NFATC1: variants seen among roughly 807,000 people sequenced by gnomAD.
NFATC1 encodes the protein nuclear factor of activated T cells 1, also known as nuclear factor of activated T-cells, cytoplasmic 1.
Under a neutral mutation model 76.0 loss-of-function variants are expected in NFATC1, and 22 were observed. That is an observed-to-expected ratio of 0.29 (90% CI 0.21 to 0.41). The LOEUF is 0.41. Among genes scored for constraint, NFATC1 ranks in the 10% least tolerant of loss-of-function variants. The probability of loss-of-function intolerance (pLI) is 1.00; values close to 1 mark genes in which losing one functional copy is unlikely to be tolerated. For missense variants in NFATC1, 1,357 were observed against 1,337.7 expected, an observed-to-expected ratio of 1.01 and a Z score of -0.23; for synonymous variants, 704 against 613.1, an observed-to-expected ratio of 1.15 and a Z score of -2.19.
chr18:79,450,092 C>T (rs2087396876), intron 4 of NFATC1, among the ~76,000 whole-genome samples: 1 of 152,192 alleles, frequency 6.6e-6, no homozygotes, highest in African/African-American at 2.4e-5. Flanking sequence ...GCGTTCACCC[C>T]ACCATGATGT....
At chr18:79,456,639 C>A (rs571675689) in intron 6 of NFATC1, among the ~76,000 whole-genome samples, 1 of 152,232 alleles carries the variant, frequency 6.6e-6, no homozygotes, top group Non-Finnish European at 1.5e-5. Flanking sequence ...CTGCCCCTTT[C>A]GGCCCTTGCT....
At chr18:79,489,628 G>A (rs73496389) in intron 9 of NFATC1, among the ~76,000 whole-genome samples, 1,846 of 152,258 alleles carry the variant, frequency 0.012, 45 homozygotes, top group African/African-American at 0.042. Context: ...CCCCAAACTC[G>A]GATCGAATGG....
intron 1 of NFATC1, among the ~76,000 whole-genome samples, chr18:79,404,938 T>C (rs1021773607): frequency 7.2e-5 from 11 of 152,232 alleles, no homozygotes; most frequent in African/African-American, 2.4e-5. Flanking sequence ...ATACAGTTTT[T>C]TGTGGTTGTT....
intron 9 of NFATC1, among the ~76,000 whole-genome samples, chr18:79,510,238 C>T (rs1191210088): frequency 6.6e-6 from 1 of 152,118 alleles, no homozygotes; most frequent in Non-Finnish European, 1.5e-5. Flanking sequence ...TGGGTCATGC[C>T]CCCGTGCGGA....
At chr18:79,432,790 A>G (rs976807822) in intron 2 of NFATC1, among the ~76,000 whole-genome samples, 15 of 152,218 alleles carry the variant, frequency 9.9e-5, no homozygotes, top group African/African-American at 2.9e-4. Context: ...TACAGAACAC[A>G]GTTGGGAAGA....
intron 6 of NFATC1, chr18:79,452,023 A>T (rs2087497209): frequency 1.9e-6 from 1 of 531,240 alleles, no homozygotes; most frequent in Admixed American, 4.1e-5. Context: ...TGAAGGGAAG[A>T]GGTGGATGTT....
intron 2 of NFATC1, among the ~76,000 whole-genome samples, chr18:79,418,366 G>A (rs1178409926): frequency 2.0e-5 from 3 of 152,148 alleles, no homozygotes; most frequent in Non-Finnish European, 4.4e-5. Flanking sequence ...GCCATGATGA[G>A]CAGACCCCGC....
intron 9 of NFATC1, among the ~76,000 whole-genome samples, chr18:79,494,026 C>T (rs1057406225): frequency 6.6e-6 from 1 of 152,220 alleles, no homozygotes; most frequent in African/African-American, 2.4e-5. Context: ...TCAGGGAGCC[C>T]ACCCTGTGAC....
At position 79,476,372 on chromosome 18, in the gene NFATC1, C is replaced by T. The variant is rs117089251; in HGVS notation, c.2092+8790C>T. 1.4e-3 allele frequency among the ~76,000 whole-genome samples: 215 copies of T among 152,346 alleles called. 4 individuals carry two copies. The East Asian group carries it at 0.028, about 20-fold the overall frequency. The stretch of plus-strand genomic sequence containing the variant: ...GCCCCACAGAACACGGCGGGCAGCG[C>T]GGGCGAGGATTGGCGAAAGCCGACC... On this transcript the variant is annotated intron_variant, in intron 8 of 9. Transcript: ENST00000427363.
At chr18:79,405,800 C>T (rs144738531) in intron 1 of NFATC1, among the ~76,000 whole-genome samples, 132 of 152,328 alleles carry the variant, frequency 8.7e-4, no homozygotes, top group African/African-American at 1.1e-3. Context: ...TTTGCCTCAT[C>T]GAATCAGGTT....
Position 79,413,160 on chromosome 18 carries a change from C to T in NFATC1, c.1226+1659C>T, listed in dbSNP as rs116607775. Among the ~76,000 whole-genome samples, 1,105 of 152,276 alleles carry T rather than the reference C, an allele frequency of 7.3e-3. 13 individuals are homozygous for T. Among genetic ancestry groups the T allele is most frequent in the African/African-American group, 0.025 (1,046 of 41,534 alleles). ...ACGGTGACAAAGTCGTCCATCACCG[C>T]GGAACTTCACTGAACTGGCGAGATA... On this transcript the variant is annotated intron_variant, in intron 2 of 9. Transcript: ENST00000427363.
Position 79,439,500 on chromosome 18 carries a change from G to T in NFATC1, c.1386+5762G>T, listed in dbSNP as rs376937510. Among the ~76,000 whole-genome samples the T allele has an allele frequency of 3.5e-4, 54 of 152,372 alleles. 1 individual carries two copies. In the South Asian group the frequency reaches 0.011, roughly 32 times the overall value. On this transcript the variant is annotated intron_variant, in intron 3 of 9. Transcript: ENST00000427363. ...GCACGGATTAATTTTTTATGAGTCTGCCTTGGAACCTAGACAACAGCCCTC... is the reference window on the plus strand; with the variant it reads ...GCACGGATTAATTTTTTATGAGTCTTCCTTGGAACCTAGACAACAGCCCTC...
At chr18:79,513,109 C>T (rs763497659) in intron 9 of NFATC1, among the ~76,000 whole-genome samples, 1 of 152,246 alleles carries the variant, frequency 6.6e-6, no homozygotes, top group Non-Finnish European at 1.5e-5. Flanking sequence ...TAAAAAGGAG[C>T]ACTGCCAGTA....
intron 9 of NFATC1, among the ~76,000 whole-genome samples, chr18:79,491,916 C>T (rs768831182): frequency 6.6e-6 from 1 of 152,168 alleles, no homozygotes; most frequent in Non-Finnish European, 1.5e-5. Flanking sequence ...TGAATTGAGT[C>T]ACTTCAAGGT....
intron 1 of NFATC1, among the ~76,000 whole-genome samples, chr18:79,408,743 C>T (rs985375802): frequency 1.3e-5 from 2 of 152,114 alleles, no homozygotes; most frequent in Non-Finnish European, 2.9e-5. Flanking sequence ...CATCCATCAT[C>T]AAACCATTAC....
chr18:79,451,548 C>A, intron 5 of NFATC1, 128 bp from the exon 6 acceptor site: 3 of 1,026,848 alleles, frequency 2.9e-6, no homozygotes, highest in South Asian at 2.4e-5. Context: ...CCGCAGGGGT[C>A]GGCCCGCAGG....
chr18:79,464,784 C>G (rs2088381223), intron 7 of NFATC1, among the ~76,000 whole-genome samples: 1 of 149,666 alleles, frequency 6.7e-6, no homozygotes, highest in Non-Finnish European at 1.5e-5. Context: ...TGGCTCACTG[C>G]AGCCTTGACC....
intron 8 of NFATC1, among the ~76,000 whole-genome samples, chr18:79,486,007 G>A (rs1486510487): frequency 6.6e-6 from 1 of 152,148 alleles, no homozygotes; most frequent in Admixed American, 6.5e-5. Context: ...GACTTTTATA[G>A]CACGTTAGTG....
At chr18:79,451,325 C>T (rs760324416) in intron 5 of NFATC1, among the ~76,000 whole-genome samples, 199 bp downstream of exon 5, 9 of 152,248 alleles carry the variant, frequency 5.9e-5, no homozygotes, top group African/African-American at 2.2e-4. Context: ...GGGCCCCTGG[C>T]GCTGGCTCCT....
Sources: gnomAD v4.1 joint callset for allele counts (sites outside exome capture counted in the v4.1 genomes callset) on GRCh38, gnomAD v4.1.1 for gene constraint, MANE v1.5 for transcripts, NCBI Gene and HGNC (gene_info 2026-07-23, HGNC 2026-07-21) for gene names.